Variants in SLC11A2 observed in about 807,000 individuals in gnomAD.
The protein encoded by SLC11A2 is solute carrier family 11 member 2, also known as natural resistance-associated macrophage protein 2.
In SLC11A2, 38 loss-of-function variants were observed where a neutral mutation model predicts 68.0. The ratio of observed to expected loss-of-function variants is 0.56; its 90% confidence interval spans 0.43 to 0.73. The LOEUF (loss-of-function observed/expected upper bound fraction) is 0.73, where lower values mean the gene tolerates loss of function less well. SLC11A2 is among the 30% of genes least tolerant of loss of function. The probability of loss-of-function intolerance (pLI) is 0.00; values close to 1 mark genes in which losing one functional copy is unlikely to be tolerated. For missense variants in SLC11A2, 517 were observed against 690.5 expected (o/e 0.75, Z 2.82); for synonymous variants, 242 against 250.6 (o/e 0.97, Z 0.32).
At chr12:50,959,044 C>T in the SLC11A2 span, among the ~76,000 whole-genome samples, 2 of 152,094 alleles carry the variant, frequency 1.3e-5, no homozygotes, top group Non-Finnish European at 2.9e-5. Context: ...AAAAAAGATG[C>T]ACACTTTTAC....
intron 1 of SLC11A2, among the ~76,000 whole-genome samples, chr12:51,011,303 T>C (rs963793084): frequency 6.6e-5 from 10 of 151,620 alleles, no homozygotes; most frequent in Non-Finnish European, 1.2e-4. Flanking sequence ...CAATTTTTTG[T>C]ATTTTTAGTA....
chr12:51,010,254 A>C (rs1338590537), intron 2 of SLC11A2, among the ~76,000 whole-genome samples: 6 of 151,978 alleles, frequency 3.9e-5, no homozygotes, highest in Non-Finnish European at 7.4e-5. Context: ...GCGGTAGCTC[A>C]TGCTTGTAAT....
rs764475098 is a variant in SLC11A2 at position 51,004,888 on chromosome 12, A to G, written c.329T>C (p.Leu110Ser). ...AGFKLLWILL[L>S]ATLVGLLLQR... ...GAGCAGCAGCCCCACAAGGGTGGCC[A>G]ACAGAAGGATCCAGAGCAACTAAGA... The change falls in exon 5 of 16, where the codon TTG (leucine) becomes TCG (serine). Residue 110 changes from leucine to serine, a missense_variant. Coordinates refer to ENST00000262052, the MANE Select transcript of SLC11A2 (RefSeq NM_000617.3). The G allele has an allele frequency of 2.5e-6, 4 of 1,614,176 alleles. No homozygotes were observed. The highest frequency in any genetic ancestry group is 3.3e-5 in the Admixed American group (2 of 60,026).
the SLC11A2 span, chr12:50,970,571 T>A: frequency 1.0e-6 from 1 of 976,212 alleles, no homozygotes. Flanking sequence ...GAAGAATAAA[T>A]TTTCAATATG....
chr12:50,995,865 A>T (rs1166601371), intron 9 of SLC11A2, 78 bp from the exon 10 acceptor site: 1 of 1,432,352 alleles, frequency 7.0e-7, no homozygotes, highest in Non-Finnish European at 9.8e-7. Context: ...GTTTGGAGTC[A>T]GCTGAGAGAT....
At chr12:51,008,431 T>A (rs756847297) in intron 3 of SLC11A2, 45 bp downstream of exon 3, 1 of 1,565,550 alleles carries the variant, frequency 6.4e-7, no homozygotes, top group South Asian at 1.1e-5. Context: ...CACTCACAGG[T>A]TTTCCCCAGA....
chr12:50,964,177 C>T, the SLC11A2 span, among the ~76,000 whole-genome samples: 1 of 152,142 alleles, frequency 6.6e-6, no homozygotes, highest in Non-Finnish European at 1.5e-5. Context: ...TACATAAATG[C>T]ATTCATATCA....
chr12:50,977,799 A>AG (rs1939868776), downstream of SLC11A2, among the ~76,000 whole-genome samples: 1 of 152,238 alleles, frequency 6.6e-6, no homozygotes, highest in Admixed American at 6.5e-5. Flanking sequence ...CAATTTCACA[A>AG]GAAAAAAAAC....
At chr12:50,957,042 T>C in the SLC11A2 span, among the ~76,000 whole-genome samples, 3 of 152,072 alleles carry the variant, frequency 2.0e-5, no homozygotes, top group Non-Finnish European at 2.9e-5. Context: ...TTTTTATTTA[T>C]TGTGGATCAG....
intron 13 of SLC11A2, among the ~76,000 whole-genome samples, chr12:50,991,898 A>T (rs963106154): frequency 1.3e-5 from 2 of 152,200 alleles, no homozygotes; most frequent in African/African-American, 2.4e-5. Context: ...CCTCCACAGG[A>T]CCTAGCACAG....
At chr12:50,960,584 A>C in the SLC11A2 span, among the ~76,000 whole-genome samples, 6 of 152,132 alleles carry the variant, frequency 3.9e-5, no homozygotes, top group Non-Finnish European at 1.5e-5. Context: ...TCTTTGCTGG[A>C]GTCTTTCCTG....
At chr12:50,953,210 T>C in the SLC11A2 span, among the ~76,000 whole-genome samples, 1 of 152,188 alleles carries the variant, frequency 6.6e-6, no homozygotes, top group Admixed American at 6.5e-5. Context: ...TACAGCCTCT[T>C]GCTGAAGGAA....
At chr12:51,016,795 C>T (rs978945728) in intron 1 of SLC11A2, among the ~76,000 whole-genome samples, 6 of 145,994 alleles carry the variant, frequency 4.1e-5, no homozygotes, top group Non-Finnish European at 5.9e-5. Context: ...TGCAATAAGC[C>T]GAGATCGCGC....
chr12:51,005,450 G>GA lies in SLC11A2; in HGVS notation c.184-15dup. 1.2e-6 allele frequency: 2 copies of GA among 1,613,124 alleles called. No individual in the cohort carries two copies. The highest frequency in any genetic ancestry group is 8.5e-7 in the Non-Finnish European group (1 of 1,179,468). On this transcript the variant is annotated splice_polypyrimidine_tract_variant and intron_variant, in intron 3 of 15. Coordinates refer to ENST00000262052, the MANE Select transcript of SLC11A2 (RefSeq NM_000617.3). ...AAAACAAGAGTACTGTACAAGAGAGGAAAAGAGATTAAACTGAACATCACC... is the reference window on the plus strand; with the variant it reads ...AAAACAAGAGTACTGTACAAGAGAGGAAAAAGAGATTAAACTGAACATCACC...
At chr12:50,953,337 T>C in the SLC11A2 span, among the ~76,000 whole-genome samples, 2 of 152,184 alleles carry the variant, frequency 1.3e-5, no homozygotes, top group Non-Finnish European at 2.9e-5. Flanking sequence ...AATTCTGGGG[T>C]GAACACAATA....
chr12:50,975,822 C>A (rs568683634), downstream of SLC11A2, among the ~76,000 whole-genome samples: 1 of 152,216 alleles, frequency 6.6e-6, no homozygotes, highest in Non-Finnish European at 1.5e-5. Flanking sequence ...CACCACAGAT[C>A]CCACAGAAAT....
At chr12:50,981,835 T>C, downstream of SLC11A2, 1 of 1,278,980 alleles carries the variant, frequency 7.8e-7, no homozygotes, top group Non-Finnish European at 1.1e-6. Context: ...AGGGTTAGAC[T>C]GATTTTCACG....
chr12:50,965,193 A>G, the SLC11A2 span, among the ~76,000 whole-genome samples: 2 of 152,100 alleles, frequency 1.3e-5, no homozygotes, highest in African/African-American at 4.8e-5. Flanking sequence ...GGCTCGCTAC[A>G]GCCCCAAACT....
chr12:50,960,899 C>T, the SLC11A2 span: 1 of 1,366,188 alleles, frequency 7.3e-7, no homozygotes, highest in South Asian at 1.6e-5. Flanking sequence ...AGGCTGTTTT[C>T]AAACTCCTGG....
Sources: gnomAD v4.1 joint callset for allele counts (sites outside exome capture counted in the v4.1 genomes callset) on GRCh38, gnomAD v4.1.1 for gene constraint, MANE v1.5 for transcripts, NCBI Gene and HGNC (gene_info 2026-07-23, HGNC 2026-07-21) for gene names.